The following ARB2A variants were observed in gnomAD, a reference collection of about 807,000 sequenced individuals.
ARB2A encodes cotranscriptional regulator ARB2A.
chr5:93,679,305 T>C, the ARB2A span, among the ~76,000 whole-genome samples: 1 of 151,990 alleles, frequency 6.6e-6, no homozygotes, highest in Admixed American at 6.6e-5. Context: ...AAAATCTTAG[T>C]GAAGTCTATC....
At chr5:93,924,541 G>C in the ARB2A span, among the ~76,000 whole-genome samples, 1 of 152,064 alleles carries the variant, frequency 6.6e-6, no homozygotes. Flanking sequence ...AAAGAGCTAG[G>C]GTATCCCATA....
the ARB2A span, among the ~76,000 whole-genome samples, chr5:93,947,970 CAT>C: frequency 6.6e-6 from 1 of 152,038 alleles, no homozygotes; most frequent in African/African-American, 2.4e-5. Flanking sequence ...CCGCAATAAA[CAT>C]ATGTGTGCAT....
At chr5:93,869,235 G>GGGCC in the ARB2A span, among the ~76,000 whole-genome samples, 1 of 152,178 alleles carries the variant, frequency 6.6e-6, no homozygotes, top group Non-Finnish European at 1.5e-5. Context: ...TGGAGACAGA[G>GGGCC]GGCCTTAAGT....
the ARB2A span, among the ~76,000 whole-genome samples, chr5:93,702,597 G>C: frequency 6.6e-6 from 1 of 152,084 alleles, no homozygotes; most frequent in Non-Finnish European, 1.5e-5. Context: ...CATACAGGGG[G>C]CTCAATAAGC....
the ARB2A span, among the ~76,000 whole-genome samples, chr5:93,728,148 T>C: frequency 1.3e-5 from 2 of 152,112 alleles, no homozygotes; most frequent in African/African-American, 4.8e-5. Context: ...CTAAATAGTT[T>C]TCAATAATTC....
the ARB2A span, among the ~76,000 whole-genome samples, chr5:93,656,704 T>C: frequency 6.6e-6 from 1 of 152,198 alleles, no homozygotes; most frequent in South Asian, 2.1e-4. Flanking sequence ...ATCTTTCTTT[T>C]GTTTCCCCAA....
chr5:93,662,889 G>T, the ARB2A span, among the ~76,000 whole-genome samples: 1 of 152,242 alleles, frequency 6.6e-6, no homozygotes, highest in Non-Finnish European at 1.5e-5. Flanking sequence ...AGTTCTGAAA[G>T]CTGGGAAGTC....
chr5:93,655,885 T>C, the ARB2A span, among the ~76,000 whole-genome samples: 3 of 152,236 alleles, frequency 2.0e-5, no homozygotes, highest in African/African-American at 4.8e-5. Context: ...CCCATTATCC[T>C]GTTAAATGTT....
chr5:93,912,944 A>C, the ARB2A span, among the ~76,000 whole-genome samples: 4 of 151,896 alleles, frequency 2.6e-5, no homozygotes, highest in Non-Finnish European at 5.9e-5. Flanking sequence ...TACTTTGGAA[A>C]ATTTAAGTTA....
chr5:93,864,873 C>A, the ARB2A span, among the ~76,000 whole-genome samples: 1 of 152,228 alleles, frequency 6.6e-6, no homozygotes, highest in South Asian at 2.1e-4. Flanking sequence ...TTATGAATAT[C>A]GTAGCCTCCC....
the ARB2A span, among the ~76,000 whole-genome samples, chr5:93,927,456 C>T: frequency 1.3e-5 from 2 of 152,136 alleles, no homozygotes; most frequent in Non-Finnish European, 1.5e-5. Flanking sequence ...TCCCTCACCC[C>T]GGACAGCCAT....
At chr5:93,830,333 A>ATATATATG in the ARB2A span, among the ~76,000 whole-genome samples, 12 of 139,458 alleles carry the variant, frequency 8.6e-5, no homozygotes, top group African/African-American at 3.0e-4. Flanking sequence ...ATATATATAT[A>ATATATATG]TATATATATA....
chr5:93,753,559 G>A, the ARB2A span, among the ~76,000 whole-genome samples: 1 of 152,144 alleles, frequency 6.6e-6, no homozygotes, highest in African/African-American at 2.4e-5. Context: ...CCAAATCCAA[G>A]AAAGGCCCAT....
the ARB2A span, among the ~76,000 whole-genome samples, chr5:94,062,174 T>C: frequency 6.6e-6 from 1 of 152,084 alleles, no homozygotes; most frequent in African/African-American, 2.4e-5. Flanking sequence ...GAAAAGACAG[T>C]CTTCTTCACA....
At chr5:93,906,814 G>A in the ARB2A span, among the ~76,000 whole-genome samples, 9 of 151,474 alleles carry the variant, frequency 5.9e-5, no homozygotes, top group Admixed American at 2.6e-4. Flanking sequence ...AGTAAGCCAG[G>A]AATCGGAGCA....
the ARB2A span, among the ~76,000 whole-genome samples, chr5:93,993,497 G>C: frequency 6.6e-6 from 1 of 152,032 alleles, no homozygotes; most frequent in Non-Finnish European, 1.5e-5. Context: ...TTGCACTGTA[G>C]ACTCAAAGTA....
the ARB2A span, among the ~76,000 whole-genome samples, chr5:93,803,349 T>A: frequency 2.0e-5 from 3 of 152,000 alleles, no homozygotes; most frequent in East Asian, 5.8e-4. Context: ...AATTCAACAA[T>A]AGACTACTTG....
chr5:93,644,224 C>CCT, the ARB2A span, among the ~76,000 whole-genome samples: 21 of 152,272 alleles, frequency 1.4e-4, no homozygotes, highest in African/African-American at 4.8e-4. Flanking sequence ...GAATATAAGC[C>CCT]AGTTGGTGGT....
the ARB2A span, among the ~76,000 whole-genome samples, chr5:94,065,799 C>T: frequency 6.6e-6 from 1 of 152,166 alleles, no homozygotes; most frequent in Non-Finnish European, 1.5e-5. Flanking sequence ...TAATTCTTCA[C>T]TCTCAGCATT....
Sources: allele counts gnomAD v4.1 joint callset (sites outside exome capture counted in the v4.1 genomes callset), GRCh38; gene constraint gnomAD v4.1.1; transcripts MANE v1.5; gene names NCBI Gene and HGNC (gene_info 2026-07-23, HGNC 2026-07-21).